Variants in PTPRM observed in about 807,000 individuals in gnomAD.
PTPRM encodes receptor-type tyrosine-protein phosphatase mu.
Under a neutral mutation model 186.7 loss-of-function variants are expected in PTPRM, and 47 were observed. The ratio of observed to expected loss-of-function variants is 0.25; its 90% CI spans 0.20 to 0.32. The LOEUF (loss-of-function observed/expected upper bound fraction) is 0.32, where lower values mean the gene tolerates loss of function less well. Ranked by LOEUF, PTPRM falls within the 10% of genes least tolerant of loss-of-function variation. The pLI, the probability that PTPRM is intolerant of heterozygous loss-of-function variation, is 1.00. For synonymous variants in PTPRM, 668 were observed against 674.9 expected, an observed-to-expected ratio of 0.99 and a Z score of 0.16; for missense variants, 1,494 against 1,865.0, an observed-to-expected ratio of 0.80 and a Z score of 3.66.
intron 5 of PTPRM, among the ~76,000 whole-genome samples, chr18:7,935,613 C>T (rs1246796650): frequency 6.6e-6 from 1 of 152,134 alleles, no homozygotes; most frequent in African/African-American, 2.4e-5. Context: ...TCCATAGCAA[C>T]CTTGAGGTCT....
intron 23 of PTPRM, among the ~76,000 whole-genome samples, chr18:8,345,204 A>G (rs936092420): frequency 4.6e-5 from 7 of 151,938 alleles, no homozygotes; most frequent in Non-Finnish European, 8.8e-5. Flanking sequence ...ATCTAATTCA[A>G]GAAGATAGAT....
rs199719406 is a variant in PTPRM at position 7,842,828 on chromosome 18, G to GTA, written c.197-45265_197-45264dup. ...TGTGTGTGTGTGTGTATATATATAT[G>GTA]TATATATATATATAGAGAGAGAGAG... On this transcript the variant is annotated intron_variant, in intron 2 of 32. Coordinates refer to ENST00000580170, the MANE Select transcript of PTPRM (RefSeq NM_001105244.2). 6.8e-3 allele frequency among the ~76,000 whole-genome samples: 502 copies of GTA among 73,780 alleles called. 8 individuals carry two copies. The highest frequency in any genetic ancestry group is 0.032 in the African/African-American group (469 of 14,710). The allele number at this position is 73,780 out of a possible 152,430, so 48.4% of individuals were successfully genotyped here. A position where few individuals can be genotyped will look rare whatever the true frequency, so the allele number is the denominator to read the frequency against.
chr18:7,713,004 C>G (rs1245259983), intron 1 of PTPRM, among the ~76,000 whole-genome samples: 2 of 152,064 alleles, frequency 1.3e-5, no homozygotes, highest in Non-Finnish European at 2.9e-5. Flanking sequence ...CATTCAAATT[C>G]AGGAAATACA....
Position 7,831,149 on chromosome 18 carries a change from A to C in PTPRM, c.196+56878A>C, listed in dbSNP as rs80163937. ...CACTTATTTTTTGAGGAAAATATAC[A>C]CTATTTTTATTTTCAATAAGGGCTA... On this transcript the variant is annotated intron_variant, in intron 2 of 32. Coordinates refer to ENST00000580170, the MANE Select transcript of PTPRM (RefSeq NM_001105244.2). 7.6e-3 allele frequency among the ~76,000 whole-genome samples: 1,153 copies of C among 152,256 alleles called. 21 individuals are homozygous for C. The highest frequency in any genetic ancestry group is 0.066 in the East Asian group (344 of 5,176).
intron 1 of PTPRM, among the ~76,000 whole-genome samples, chr18:7,656,143 A>G (rs2038842351): frequency 6.6e-6 from 1 of 152,238 alleles, no homozygotes; most frequent in African/African-American, 2.4e-5. Context: ...TCATTGCAGC[A>G]TTATACACGA....
intron 11 of PTPRM, among the ~76,000 whole-genome samples, chr18:8,097,716 TGA>T (rs1264147348): frequency 6.6e-6 from 1 of 152,048 alleles, no homozygotes; most frequent in East Asian, 1.9e-4. Flanking sequence ...AACTGAAACC[TGA>T]GGAGGAGGTA....
chr18:8,077,600 A>T (rs2089897493), intron 9 of PTPRM, among the ~76,000 whole-genome samples: 1 of 152,194 alleles, frequency 6.6e-6, no homozygotes. Flanking sequence ...TTATAGAGCT[A>T]AGTGTTATAA....
intron 22 of PTPRM, among the ~76,000 whole-genome samples, chr18:8,337,311 T>C (rs1410582785): frequency 6.6e-6 from 1 of 152,190 alleles, no homozygotes; most frequent in Non-Finnish European, 1.5e-5. Context: ...ATTACATCAG[T>C]TGAGGTTTAA....
At chr18:7,828,192 T>TA (rs1313506469) in intron 2 of PTPRM, among the ~76,000 whole-genome samples, 4 of 152,200 alleles carry the variant, frequency 2.6e-5, no homozygotes, top group Non-Finnish European at 4.4e-5. Flanking sequence ...TTCAGATGAG[T>TA]AACTAGTTTT....
intron 2 of PTPRM, among the ~76,000 whole-genome samples, chr18:7,858,647 A>G (rs1160596046): frequency 1.3e-5 from 2 of 152,250 alleles, no homozygotes. Flanking sequence ...ATATTTTAAT[A>G]CAAGTGTTAA....
At chr18:8,114,965 G>T in intron 13 of PTPRM, 138 bp downstream of exon 13, 1 of 627,980 alleles carries the variant, frequency 1.6e-6, no homozygotes, top group Non-Finnish European at 2.7e-6. Context: ...ATATATGCAT[G>T]AATGCATGTA....
At chr18:8,215,635 C>T (rs2094072988) in intron 14 of PTPRM, among the ~76,000 whole-genome samples, 1 of 150,860 alleles carries the variant, frequency 6.6e-6, no homozygotes, top group African/African-American at 2.4e-5. Flanking sequence ...CCATACCCGC[C>T]GGGCTCAAGT....
intron 2 of PTPRM, among the ~76,000 whole-genome samples, chr18:7,861,234 A>AT (rs1032950551): frequency 1.5e-4 from 23 of 151,444 alleles, no homozygotes; most frequent in East Asian, 1.4e-3. Context: ...CTTCCCTACA[A>AT]TTTTTTTTTA....
chr18:8,371,060 C>A, intron 24 of PTPRM, 54 bp downstream of exon 24: 2 of 1,080,596 alleles, frequency 1.9e-6, no homozygotes, highest in Non-Finnish European at 2.7e-6. Flanking sequence ...TGGTACCATA[C>A]TAGCCTCATT....
At chr18:8,380,826 C>T (rs1011003965) in intron 29 of PTPRM, among the ~76,000 whole-genome samples, 1 of 152,148 alleles carries the variant, frequency 6.6e-6, no homozygotes, top group Admixed American at 6.5e-5. Context: ...TAGCGTTTGA[C>T]CCAGCCCAGA....
At chr18:8,169,344 CA>C (rs34078397) in intron 14 of PTPRM, among the ~76,000 whole-genome samples, 2,112 of 121,482 alleles carry the variant, frequency 0.017, 23 homozygotes, top group African/African-American at 0.038. Context: ...TTGATTTGGG[CA>C]AAAAAAAAAA....
chr18:7,615,968 C>G (rs1466823041), intron 1 of PTPRM, among the ~76,000 whole-genome samples: 1 of 152,054 alleles, frequency 6.6e-6, no homozygotes, highest in East Asian at 1.9e-4. Flanking sequence ...AGGGTGTGCA[C>G]TCCTATGAGA....
chr18:7,657,347 G>C (rs556130868), intron 1 of PTPRM, among the ~76,000 whole-genome samples: 2 of 152,272 alleles, frequency 1.3e-5, no homozygotes, highest in Admixed American at 1.3e-4. Context: ...TTCTGAGTTA[G>C]GACAGTCATT....
In PTPRM at chr18:8,394,391, G is replaced by A. The variant is rs145172743; in HGVS notation, c.4209-85G>A. On this transcript the variant is annotated intron_variant, in intron 31 of 32. Coordinates refer to ENST00000580170, the MANE Select transcript of PTPRM (RefSeq NM_001105244.2). Reference sequence around the variant, plus strand: ...CCCTTTGTTGTTACTGTTCCCCAGGGTTTAGACAGCTTGTTTCCACAGGTG... The same window carrying A: ...CCCTTTGTTGTTACTGTTCCCCAGGATTTAGACAGCTTGTTTCCACAGGTG... 8.4e-5 allele frequency: 123 copies of A among 1,460,690 alleles called. No individual in the cohort carries two copies. The African/African-American group carries it at 1.4e-3, about 17-fold the overall frequency. 90.5% of individuals were successfully genotyped at this position (1,460,690 alleles called of 1,614,324 possible).
Sources: allele counts gnomAD v4.1 joint callset (sites outside exome capture counted in the v4.1 genomes callset), GRCh38; gene constraint gnomAD v4.1.1; transcripts MANE v1.5; gene names NCBI Gene and HGNC (gene_info 2026-07-23, HGNC 2026-07-21).